WIPF2: variants seen among roughly 807,000 people sequenced by gnomAD.
WIPF2 encodes the protein WAS/WASL interacting protein family member 2.
A neutral mutation model predicts 38.8 loss-of-function variants in WIPF2; 23 were observed. The observed-to-expected ratio is 0.59, with a 90% CI of 0.43 to 0.84. The LOEUF (loss-of-function observed/expected upper bound fraction) is 0.84. WIPF2 is among the 40% of genes least tolerant of loss of function. WIPF2 has a pLI of 0.00. For missense variants in WIPF2, 574 were observed against 580.5 expected, an observed-to-expected ratio of 0.99 and a Z score of 0.11; for synonymous variants, 210 against 223.2, an observed-to-expected ratio of 0.94 and a Z score of 0.53.
Position 40,256,508 on chromosome 17 carries a change from C to T in WIPF2, c.49C>T (p.Pro17Ser), listed in dbSNP as rs1177697915. The change falls in exon 2 of 8, where the codon CCC (proline) becomes TCC (serine). Residue 17 changes from proline to serine, a missense_variant. By Grantham distance (74) the Pro-to-Ser change is moderately conservative. Transcript: ENST00000323571. ...ACCCCCACCTGGTCCTCCTCCACCT[C>T]CCACATTTCATCAGGTAGGTAGTCC... Reference protein sequence around the residue: ...PPPPPGPPPPPTFHQANTEQP... With the variant: ...PPPPPGPPPPSTFHQANTEQP... 3.1e-6 allele frequency: 5 copies of T among 1,606,676 alleles called. No individual in the cohort carries two copies. In the African/African-American group the frequency reaches 6.7e-5, roughly 22 times the overall value.
chr17:40,252,402 C>T (rs1184125744), intron 1 of WIPF2, among the ~76,000 whole-genome samples: 1 of 152,028 alleles, frequency 6.6e-6, no homozygotes, highest in Non-Finnish European at 1.5e-5. Context: ...GGTGGCTCAC[C>T]CCTGTAATCC....
Position 40,219,360 on chromosome 17 carries a change from A to C in WIPF2, c.-202A>C, listed in dbSNP as rs1040288068. 3 of 359,836 alleles carry C rather than the reference A, an allele frequency of 8.3e-6. No individual in the cohort carries two copies. Among genetic ancestry groups the C allele is most frequent in the Non-Finnish European group, 1.6e-5 (3 of 191,006 alleles). The allele number at this position is 359,836 out of a possible 1,614,324, so 22.3% of individuals were successfully genotyped here. A position where few individuals can be genotyped will look rare whatever the true frequency, so the allele number is the denominator to read the frequency against. ...GCAGATCCATTTCCGGGTTGGCAAA[A>C]GGGGCGGTGGCGGCGGCGGCGGCGG... On this transcript the variant is annotated 5_prime_UTR_variant, in exon 1 of 8. Coordinates refer to ENST00000323571, the MANE Select transcript of WIPF2 (RefSeq NM_133264.5).
chr17:40,265,737 C>T (rs976911490), intron 5 of WIPF2, among the ~76,000 whole-genome samples: 1 of 152,064 alleles, frequency 6.6e-6, no homozygotes. Context: ...TTGCAAAGAC[C>T]TTGGATTTAA....
At chr17:40,226,548 T>C (rs1488140307) in intron 1 of WIPF2, among the ~76,000 whole-genome samples, 1 of 151,776 alleles carries the variant, frequency 6.6e-6, no homozygotes, top group African/African-American at 2.4e-5. Context: ...TACACTAGTA[T>C]GAGATGCGAT....
chr17:40,235,720 T>C (rs752474806), intron 1 of WIPF2, among the ~76,000 whole-genome samples: 5 of 151,462 alleles, frequency 3.3e-5, no homozygotes, highest in Non-Finnish European at 5.9e-5. Context: ...ATTACAGGCA[T>C]GCATCACCAT....
intron 1 of WIPF2, chr17:40,220,593 A>ATGTG (rs1388336494): frequency 1.3e-5 from 1 of 76,960 alleles, no homozygotes. Flanking sequence ...ATATATATAT[A>ATGTG]TATATATATA....
At chr17:40,228,010 G>GTTTTTTTTTTTTTTT (rs1175714533) in intron 1 of WIPF2, among the ~76,000 whole-genome samples, 3 of 79,216 alleles carry the variant, frequency 3.8e-5, no homozygotes, top group African/African-American at 5.7e-5. Context: ...ACCTCTTTTT[G>GTTTTTTTTTTTTTTT]TTTTTTTTTT....
intron 5 of WIPF2, among the ~76,000 whole-genome samples, chr17:40,272,680 AG>A (rs1417679305): frequency 6.6e-6 from 1 of 152,096 alleles, no homozygotes; most frequent in Admixed American, 6.6e-5. Context: ...TAGTAAGGGA[AG>A]GGGGGATATC....
chr17:40,243,540 G>A (rs1460933208), intron 1 of WIPF2, among the ~76,000 whole-genome samples: 4 of 151,600 alleles, frequency 2.6e-5, no homozygotes, highest in African/African-American at 9.7e-5. Context: ...TTAAGACAGA[G>A]TCTTGCTCTG....
At chr17:40,244,206 C>T (rs1193884533) in intron 1 of WIPF2, among the ~76,000 whole-genome samples, 1 of 152,114 alleles carries the variant, frequency 6.6e-6, no homozygotes, top group Non-Finnish European at 1.5e-5. Context: ...ATAGTCTGTC[C>T]TAGAACACAT....
chr17:40,252,827 G>A (rs927885916), intron 1 of WIPF2, among the ~76,000 whole-genome samples: 15 of 150,694 alleles, frequency 1.0e-4, no homozygotes, highest in Non-Finnish European at 1.3e-4. Context: ...ACAATGGCGC[G>A]ATCTCGGCTC....
At chr17:40,220,860 C>T (rs1251290781) in intron 1 of WIPF2, among the ~76,000 whole-genome samples, 1 of 149,434 alleles carries the variant, frequency 6.7e-6, no homozygotes, top group African/African-American at 2.5e-5. Flanking sequence ...CTGCAAGCTC[C>T]GCCTCCCGGG....
At chr17:40,230,993 T>A (rs780541126) in intron 1 of WIPF2, among the ~76,000 whole-genome samples, 2 of 152,192 alleles carry the variant, frequency 1.3e-5, no homozygotes, top group African/African-American at 4.8e-5. Context: ...TGTTCAGAAA[T>A]CACAGTACTT....
In WIPF2 at chr17:40,283,052, G is replaced by A. The variant is rs1241149629; in HGVS notation, c.*4827G>A. The A allele has an allele frequency of 6.7e-6, 1 of 149,530 alleles. No homozygotes were observed. Among genetic ancestry groups the A allele is most frequent in the Non-Finnish European group, 1.5e-5 (1 of 67,724 alleles). The allele number at this position is 149,530 out of a possible 1,614,324, so 9.3% of individuals were successfully genotyped here. A position where few individuals can be genotyped will look rare whatever the true frequency, so the allele number is the denominator to read the frequency against. ...AAATACAAAAATTAACCGGTGTCATGGCGCATGCCTGTAGTCCCAGCTACT... is the reference window on the plus strand; with the variant it reads ...AAATACAAAAATTAACCGGTGTCATAGCGCATGCCTGTAGTCCCAGCTACT... On this transcript the variant is annotated 3_prime_UTR_variant, in exon 8 of 8. Coordinates refer to ENST00000323571, the MANE Select transcript of WIPF2 (RefSeq NM_133264.5).
intron 1 of WIPF2, chr17:40,220,631 A>ATATATT (rs1567705944): frequency 8.1e-6 from 1 of 123,990 alleles, no homozygotes; most frequent in African/African-American, 3.2e-5. Context: ...ATATATATAT[A>ATATATT]TTTTTTTGTT....
intron 1 of WIPF2, among the ~76,000 whole-genome samples, chr17:40,222,575 GTGTGTGTGTGTT>G (rs890397836): frequency 4.1e-5 from 6 of 146,356 alleles, no homozygotes; most frequent in South Asian, 2.2e-4. Flanking sequence ...CCTTGCTCAT[GTGTGTGTGTGTT>G]TGTGTGTGTG....
intron 1 of WIPF2, among the ~76,000 whole-genome samples, chr17:40,228,020 T>G (rs1046804811): frequency 9.0e-5 from 11 of 121,580 alleles, no homozygotes; most frequent in Non-Finnish European, 1.2e-4. Flanking sequence ...GTTTTTTTTT[T>G]TTTTTTTTTT....
rs182598351 is a variant in WIPF2, at chr17:40,270,146, A to T, written c.971-3644A>T. On this transcript the variant is annotated intron_variant, in intron 5 of 7. Transcript: ENST00000323571. Reference sequence around the variant, plus strand: ...TTTGGGAGGCTGAGGCGGGCAGATCATGAGGTCAGGAGATTGAGACCATCC... The same window carrying T: ...TTTGGGAGGCTGAGGCGGGCAGATCTTGAGGTCAGGAGATTGAGACCATCC... 3.0e-4 allele frequency among the ~76,000 whole-genome samples: 45 copies of T among 150,670 alleles called. No homozygotes were observed. The East Asian group carries it at 9.0e-3, about 30-fold the overall frequency.
At chr17:40,234,290 C>T (rs572836634) in intron 1 of WIPF2, among the ~76,000 whole-genome samples, 6 of 150,244 alleles carry the variant, frequency 4.0e-5, no homozygotes, top group Non-Finnish European at 5.9e-5. Context: ...CCTAGCTACT[C>T]GGGAGGCGCA....
Sources: gnomAD v4.1 joint callset for allele counts (sites outside exome capture counted in the v4.1 genomes callset) on GRCh38, gnomAD v4.1.1 for gene constraint, MANE v1.5 for transcripts, NCBI Gene and HGNC (gene_info 2026-07-23, HGNC 2026-07-21) for gene names.